Variants in PKIB observed in about 807,000 individuals in gnomAD.
PKIB encodes the protein cAMP-dependent protein kinase inhibitor beta, also known as PKI-beta.
In PKIB, 2 loss-of-function variants were observed where a neutral mutation model predicts 4.5. That is an observed-to-expected ratio of 0.44 (90% CI 0.18 to 1.39). PKIB has a LOEUF of 1.39. Among genes scored for constraint, PKIB ranks in the 40% most tolerant of loss-of-function variants. The pLI is 0.27. For missense variants in PKIB, 94 were observed against 92.6 expected (o/e 1.02, Z -0.06); for synonymous variants, 38 against 36.0 (o/e 1.06, Z -0.20).
At chr6:122,556,152 G>C (rs887247856) in intron 2 of PKIB, among the ~76,000 whole-genome samples, 4 of 152,146 alleles carry the variant, frequency 2.6e-5, no homozygotes, top group African/African-American at 9.7e-5. Context: ...CATGAGATCT[G>C]ATGGCTTTAT....
At chr6:122,693,771 G>A (rs7752054) in intron 3 of PKIB, among the ~76,000 whole-genome samples, 72,931 of 151,830 alleles carry the variant, frequency 0.48, 18,274 homozygotes, top group Non-Finnish European at 0.56. Context: ...GGAGATTTTA[G>A]TCTTCTGGGG....
At chr6:122,509,993 A>G (rs368010710) in intron 2 of PKIB, among the ~76,000 whole-genome samples, 1 of 151,802 alleles carries the variant, frequency 6.6e-6, no homozygotes, top group South Asian at 2.1e-4. Context: ...TTTTTTCTCA[A>G]TATTGAGAAG....
intron 2 of PKIB, among the ~76,000 whole-genome samples, chr6:122,537,208 G>A (rs9388088): frequency 0.14 from 21,096 of 151,702 alleles, 1,571 homozygotes; most frequent in East Asian, 0.26. Context: ...GGGTACATGT[G>A]CACAATGTGC....
At chr6:122,694,474 C>G (rs1217911325) in intron 3 of PKIB, among the ~76,000 whole-genome samples, 2 of 150,140 alleles carry the variant, frequency 1.3e-5, no homozygotes, top group Non-Finnish European at 2.9e-5. Context: ...GTAAAAAAAT[C>G]TTAGGAAGAG....
chr6:122,627,437 T>C (rs540600137), intron 1 of PKIB, among the ~76,000 whole-genome samples: 1 of 152,306 alleles, frequency 6.6e-6, no homozygotes, highest in South Asian at 2.1e-4. Flanking sequence ...ATTGAGTGTA[T>C]TTACTGTTAA....
intron 3 of PKIB, among the ~76,000 whole-genome samples, chr6:122,679,650 G>C (rs1582805140): frequency 6.6e-6 from 1 of 152,172 alleles, no homozygotes; most frequent in East Asian, 1.9e-4. Flanking sequence ...CTGGGTTTCT[G>C]GGGTGGATGT....
intron 2 of PKIB, among the ~76,000 whole-genome samples, chr6:122,533,250 A>G (rs1045010144): frequency 6.6e-6 from 1 of 151,792 alleles, no homozygotes. Flanking sequence ...GCTCATTGCA[A>G]CCTCTGCTTC....
chr6:122,646,011 C>G (rs961780774), intron 2 of PKIB, among the ~76,000 whole-genome samples: 1 of 151,940 alleles, frequency 6.6e-6, no homozygotes, highest in African/African-American at 2.4e-5. Flanking sequence ...TCAGATCAGA[C>G]TTAACTTCCT....
intron 2 of PKIB, among the ~76,000 whole-genome samples, chr6:122,549,045 C>G (rs950962738): frequency 6.6e-6 from 1 of 152,172 alleles, no homozygotes; most frequent in Non-Finnish European, 1.5e-5. Context: ...AATAAACTGT[C>G]AAATCATAGC....
chr6:122,589,778 A>G (rs1252909648), intron 3 of PKIB, among the ~76,000 whole-genome samples: 1 of 152,180 alleles, frequency 6.6e-6, no homozygotes, highest in Non-Finnish European at 1.5e-5. Flanking sequence ...AAAGAAAATA[A>G]CAAAGAATAA....
intron 2 of PKIB, among the ~76,000 whole-genome samples, chr6:122,529,250 C>T (rs1464642235): frequency 6.6e-6 from 1 of 152,030 alleles, no homozygotes; most frequent in African/African-American, 2.4e-5. Context: ...GTTTTCATTG[C>T]AATTACGTAA....
At chr6:122,696,077 G>A (rs1438169614) in intron 3 of PKIB, among the ~76,000 whole-genome samples, 1 of 152,124 alleles carries the variant, frequency 6.6e-6, no homozygotes. Context: ...GTGGTTCACT[G>A]AGGGATGATG....
intron 3 of PKIB, among the ~76,000 whole-genome samples, chr6:122,598,073 G>C (rs1774234664): frequency 6.6e-6 from 1 of 152,158 alleles, no homozygotes; most frequent in South Asian, 2.1e-4. Flanking sequence ...ATGGGAGAAA[G>C]ATTCACTGCA....
intron 2 of PKIB, among the ~76,000 whole-genome samples, chr6:122,643,082 A>G (rs939387378): frequency 5.9e-5 from 9 of 152,210 alleles, no homozygotes; most frequent in Non-Finnish European, 1.3e-4. Context: ...GTTACCAGCC[A>G]TTTTGAAGAC....
chr6:122,612,136 T>G (rs2114762377), intron 1 of PKIB, among the ~76,000 whole-genome samples: 1 of 152,290 alleles, frequency 6.6e-6, no homozygotes, highest in South Asian at 2.1e-4. Flanking sequence ...GCAAACATAT[T>G]GTTTAGATCA....
At chr6:122,696,949 G>A (rs1778601872) in intron 3 of PKIB, among the ~76,000 whole-genome samples, 2 of 152,154 alleles carry the variant, frequency 1.3e-5, no homozygotes, top group East Asian at 3.9e-4. Flanking sequence ...CTGTGGGTGA[G>A]GGAGAGCTAA....
intron 4 of PKIB, among the ~76,000 whole-genome samples, chr6:122,719,406 A>G (rs1779631847): frequency 6.6e-6 from 1 of 152,208 alleles, no homozygotes. Flanking sequence ...TACAAATAAC[A>G]CCAGATGCTA....
chr6:122,624,364 T>C (rs1775351861), intron 1 of PKIB, among the ~76,000 whole-genome samples: 1 of 152,208 alleles, frequency 6.6e-6, no homozygotes, highest in Non-Finnish European at 1.5e-5. Context: ...TCACATTCTA[T>C]GAACATGAAA....
chr6:122,530,983 GTTCT>G (rs1167019272), intron 2 of PKIB: 1 of 152,142 alleles, frequency 6.6e-6, no homozygotes, highest in African/African-American at 2.4e-5. Flanking sequence ...TGCCTCTGTG[GTTCT>G]CACAGGATAT....
Sources: allele counts gnomAD v4.1 joint callset (sites outside exome capture counted in the v4.1 genomes callset), GRCh38; gene constraint gnomAD v4.1.1; transcripts MANE v1.5; gene names NCBI Gene and HGNC (gene_info 2026-07-23, HGNC 2026-07-21).